RNGTT: variants seen among roughly 807,000 people sequenced by gnomAD.
The protein encoded by RNGTT is RNA guanylyltransferase and 5'-phosphatase.
In RNGTT, 33 loss-of-function variants were observed where a neutral mutation model predicts 79.3. The observed-to-expected ratio is 0.42, with a 90% CI of 0.32 to 0.56. RNGTT has a LOEUF of 0.56. Among genes scored for constraint, RNGTT ranks in the 20% least tolerant of loss-of-function variants. The pLI, the probability that RNGTT is intolerant of heterozygous loss-of-function variation, is 0.17. For synonymous variants in RNGTT, 222 were observed against 235.9 expected, an observed-to-expected ratio of 0.94 and a Z score of 0.54; for missense variants, 497 against 739.1, an observed-to-expected ratio of 0.67 and a Z score of 3.80.
intron 10 of RNGTT, among the ~76,000 whole-genome samples, chr6:88,846,275 C>T (rs1429401703): frequency 3.3e-5 from 5 of 152,160 alleles, no homozygotes; most frequent in Non-Finnish European, 7.4e-5. Flanking sequence ...ATCCATGCTG[C>T]CACTAGTTAT....
At position 88,935,198 on chromosome 6, in the gene RNGTT, T is replaced by G. The variant is rs573750349; in HGVS notation, c.174+5873A>C. On this transcript the variant is annotated intron_variant, in intron 2 of 15. Transcript: ENST00000369485. ...TTATTAAAGAGTGTCCTGTCCCCAATGTATGTTCTTGGTGCCTTTGTCTAA... is the reference window on the plus strand; with the variant it reads ...TTATTAAAGAGTGTCCTGTCCCCAAGGTATGTTCTTGGTGCCTTTGTCTAA... Among the ~76,000 whole-genome samples, 67 of 152,330 alleles carry G rather than the reference T, an allele frequency of 4.4e-4. 1 individual carries two copies. The South Asian group carries it at 0.013, about 31-fold the overall frequency.
At chr6:88,673,927 A>G (rs1461433720) in intron 14 of RNGTT, among the ~76,000 whole-genome samples, 3 of 152,224 alleles carry the variant, frequency 2.0e-5, no homozygotes, top group African/African-American at 7.2e-5. Context: ...TTGGACAGAA[A>G]AATATTGAGC....
chr6:88,720,321 C>T (rs2127812708), intron 13 of RNGTT, among the ~76,000 whole-genome samples: 1 of 152,182 alleles, frequency 6.6e-6, no homozygotes, highest in South Asian at 2.1e-4. Context: ...TTCTGCCCTA[C>T]CTAAACTTTA....
At chr6:88,879,332 T>G (rs975198244) in intron 8 of RNGTT, among the ~76,000 whole-genome samples, 5 of 152,190 alleles carry the variant, frequency 3.3e-5, no homozygotes, top group African/African-American at 9.7e-5. Flanking sequence ...AGGCAGAGGT[T>G]GCAGTGAGCT....
intron 2 of RNGTT, among the ~76,000 whole-genome samples, chr6:88,932,299 CCT>C (rs1458083962): frequency 2.6e-5 from 4 of 152,106 alleles, no homozygotes; most frequent in African/African-American, 9.7e-5. Flanking sequence ...GCTCTTGAAC[CCT>C]GTTAAGATGT....
At chr6:88,715,497 C>T (rs1385077553) in intron 13 of RNGTT, among the ~76,000 whole-genome samples, 7 of 152,048 alleles carry the variant, frequency 4.6e-5, no homozygotes, top group South Asian at 2.1e-4. Context: ...AAAAAGAGCC[C>T]GCATTGCCAA....
At chr6:88,662,696 G>A (rs1021997559) in intron 14 of RNGTT, among the ~76,000 whole-genome samples, 4 of 152,234 alleles carry the variant, frequency 2.6e-5, no homozygotes, top group African/African-American at 7.2e-5. Flanking sequence ...GGAGGACTCC[G>A]GCGAGCTTAA....
At chr6:88,888,893 G>A (rs924868828) in intron 8 of RNGTT, among the ~76,000 whole-genome samples, 5 of 152,172 alleles carry the variant, frequency 3.3e-5, no homozygotes, top group Non-Finnish European at 5.9e-5. Context: ...GCCAGGTGTG[G>A]TGGCACATGC....
rs189320520 is a variant in RNGTT, at chr6:88,729,436, G to T, written c.1439+40338C>A. Reference sequence around the variant, plus strand: ...CATAAAGCAAAAGAAGCCCCTTATGGGTCTTTTGACTCTCACATCTATTTA... The same window carrying T: ...CATAAAGCAAAAGAAGCCCCTTATGTGTCTTTTGACTCTCACATCTATTTA... On this transcript the variant is annotated intron_variant, in intron 13 of 15. Transcript: ENST00000369485. Among the ~76,000 whole-genome samples, 567 of 151,530 alleles carry T rather than the reference G, an allele frequency of 3.7e-3. 5 individuals carry two copies. The highest frequency in any genetic ancestry group is 0.013 in the African/African-American group (525 of 41,230).
At chr6:88,763,861 G>A (rs1778354628) in intron 13 of RNGTT, among the ~76,000 whole-genome samples, 1 of 152,200 alleles carries the variant, frequency 6.6e-6, no homozygotes, top group South Asian at 2.1e-4. Flanking sequence ...AACAATCACT[G>A]TGGATTTTGA....
chr6:88,953,647 GATC>G (rs1359859019), intron 1 of RNGTT, among the ~76,000 whole-genome samples: 1 of 152,154 alleles, frequency 6.6e-6, no homozygotes, highest in Non-Finnish European at 1.5e-5. Flanking sequence ...ATCACAAAAA[GATC>G]ATTACCTAGG....
chr6:88,908,996 A>T (rs752800590), intron 4 of RNGTT, among the ~76,000 whole-genome samples: 8 of 152,140 alleles, frequency 5.3e-5, no homozygotes, highest in Non-Finnish European at 1.0e-4. Flanking sequence ...ACTCAAGCAC[A>T]CTGCCCAGGG....
At chr6:88,932,705 G>C (rs1784548908) in intron 2 of RNGTT, among the ~76,000 whole-genome samples, 1 of 152,064 alleles carries the variant, frequency 6.6e-6, no homozygotes, top group Non-Finnish European at 1.5e-5. Context: ...TTCTGGATTG[G>C]AACAAAAACC....
chr6:88,686,713 T>G (rs934212615), intron 13 of RNGTT, among the ~76,000 whole-genome samples: 2 of 152,128 alleles, frequency 1.3e-5, no homozygotes, highest in Non-Finnish European at 2.9e-5. Context: ...TAACTGGCTA[T>G]CCACACAGAT....
chr6:88,833,177 A>AT (rs1424219642), intron 11 of RNGTT, among the ~76,000 whole-genome samples: 1 of 152,224 alleles, frequency 6.6e-6, no homozygotes, highest in Non-Finnish European at 1.5e-5. Flanking sequence ...ACCAACCCAA[A>AT]TGCCCATCAA....
chr6:88,786,866 A>G (rs567532784), intron 12 of RNGTT, among the ~76,000 whole-genome samples: 1 of 152,204 alleles, frequency 6.6e-6, no homozygotes, highest in South Asian at 2.1e-4. Flanking sequence ...GACCTTTGGG[A>G]GGTGATTAAG....
At chr6:88,697,901 T>A (rs1209119712) in intron 13 of RNGTT, among the ~76,000 whole-genome samples, 1 of 83,090 alleles carries the variant, frequency 1.2e-5, no homozygotes, top group East Asian at 2.3e-4. Flanking sequence ...TATATATATA[T>A]GATATATATA....
intron 14 of RNGTT, among the ~76,000 whole-genome samples, chr6:88,630,646 G>T (rs1041372492): frequency 4.6e-5 from 7 of 151,758 alleles, no homozygotes; most frequent in African/African-American, 1.7e-4. Context: ...AAACAGCTCT[G>T]AGTTAAACAG....
At chr6:88,673,000 A>G (rs1394522025) in intron 14 of RNGTT, among the ~76,000 whole-genome samples, 1 of 152,222 alleles carries the variant, frequency 6.6e-6, no homozygotes, top group Non-Finnish European at 1.5e-5. Flanking sequence ...AATTCATTTA[A>G]CATGTGGCCA....
Sources: gnomAD v4.1 joint callset for allele counts (sites outside exome capture counted in the v4.1 genomes callset) on GRCh38, gnomAD v4.1.1 for gene constraint, MANE v1.5 for transcripts, NCBI Gene and HGNC (gene_info 2026-07-23, HGNC 2026-07-21) for gene names.